LRRIQ3: variants seen among roughly 807,000 people sequenced by gnomAD.
LRRIQ3 encodes leucine-rich repeat and IQ domain-containing protein 3.
A neutral mutation model predicts 59.3 loss-of-function variants in LRRIQ3; 75 were observed. The observed-to-expected ratio is 1.26, with a 90% CI of 1.05 to 1.53. The LOEUF (loss-of-function observed/expected upper bound fraction) is 1.53. Ranked by LOEUF, LRRIQ3 falls within the 40% of genes most tolerant of loss-of-function variation. LRRIQ3 has a pLI of 0.00. For synonymous variants in LRRIQ3, 250 were observed against 231.3 expected, an observed-to-expected ratio of 1.08 and a Z score of -0.73; for missense variants, 831 against 710.0, an observed-to-expected ratio of 1.17 and a Z score of -1.94.
chr1:74,077,952 T>C (rs1369338169), intron 5 of LRRIQ3, among the ~76,000 whole-genome samples: 1 of 151,970 alleles, frequency 6.6e-6, no homozygotes, highest in African/African-American at 2.4e-5. Flanking sequence ...TTTGATTAAC[T>C]ACCCTACTTT....
intron 5 of LRRIQ3, among the ~76,000 whole-genome samples, chr1:74,089,967 A>C (rs1570096156): frequency 6.6e-6 from 1 of 152,152 alleles, no homozygotes; most frequent in Non-Finnish European, 1.5e-5. Context: ...GACCTGAGAA[A>C]ATTATTATAA....
intron 3 of LRRIQ3, among the ~76,000 whole-genome samples, chr1:74,174,254 G>A (rs1448862769): frequency 6.6e-6 from 1 of 150,908 alleles, no homozygotes; most frequent in East Asian, 1.9e-4. Context: ...ACTTTCAAAT[G>A]ACCTGTCTTT....
intron 1 of LRRIQ3, among the ~76,000 whole-genome samples, chr1:74,196,079 G>T (rs1186066763): frequency 6.6e-6 from 1 of 151,372 alleles, no homozygotes; most frequent in Non-Finnish European, 1.5e-5. Flanking sequence ...TGATAATATG[G>T]TATATTTATT....
chr1:74,131,870 T>C (rs1481977136), intron 4 of LRRIQ3, among the ~76,000 whole-genome samples: 1 of 152,168 alleles, frequency 6.6e-6, no homozygotes, highest in Non-Finnish European at 1.5e-5. Context: ...TTGGAAGTTC[T>C]GGCCAAAGCA....
chr1:74,077,410 C>T (rs947942976), intron 5 of LRRIQ3, among the ~76,000 whole-genome samples: 7 of 151,732 alleles, frequency 4.6e-5, no homozygotes, highest in Non-Finnish European at 1.0e-4. Flanking sequence ...GATCCTGTTT[C>T]CACTAGTACT....
intron 6 of LRRIQ3, among the ~76,000 whole-genome samples, chr1:74,057,903 A>C (rs1019284147): frequency 6.6e-6 from 1 of 152,154 alleles, no homozygotes; most frequent in Non-Finnish European, 1.5e-5. Context: ...ACTAAAAAAT[A>C]GTCAAAATCC....
intron 5 of LRRIQ3, among the ~76,000 whole-genome samples, chr1:74,098,668 A>G (rs956779740): frequency 6.6e-6 from 1 of 152,204 alleles, no homozygotes; most frequent in African/African-American, 2.4e-5. Context: ...AGCACTCCTC[A>G]GCAAATGTAA....
chr1:74,108,242 T>G (rs1052482685), intron 5 of LRRIQ3, among the ~76,000 whole-genome samples: 8 of 151,796 alleles, frequency 5.3e-5, no homozygotes, highest in Non-Finnish European at 1.2e-4. Context: ...CTGTATAAAG[T>G]ATGTAAAAAA....
At chr1:74,036,073 T>G (rs1570002135) in intron 7 of LRRIQ3, among the ~76,000 whole-genome samples, 1 of 152,166 alleles carries the variant, frequency 6.6e-6, no homozygotes, top group South Asian at 2.1e-4. Flanking sequence ...CAAGGGAGAA[T>G]TTAAGTGAAG....
At chr1:74,034,729 T>C (rs944471674) in intron 7 of LRRIQ3, among the ~76,000 whole-genome samples, 1 of 151,918 alleles carries the variant, frequency 6.6e-6, no homozygotes, top group Non-Finnish European at 1.5e-5. Context: ...GTATTTTTCA[T>C]ACGTAATAAA....
At chr1:74,150,559 G>A (rs1647866603) in intron 4 of LRRIQ3, among the ~76,000 whole-genome samples, 1 of 151,926 alleles carries the variant, frequency 6.6e-6, no homozygotes, top group Non-Finnish European at 1.5e-5. Flanking sequence ...ACTGGAAAAT[G>A]CAGTCTAAGT....
chr1:74,084,165 TACAC>T, intron 5 of LRRIQ3: 2 of 1,546,582 alleles, frequency 1.3e-6, no homozygotes. Context: ...GAGAGATGAA[TACAC>T]ACATCCAGCC....
chr1:74,078,258 T>C (rs2100489132), intron 5 of LRRIQ3, among the ~76,000 whole-genome samples: 1 of 151,980 alleles, frequency 6.6e-6, no homozygotes, highest in East Asian at 1.9e-4. Context: ...GGGAGGTATC[T>C]AATGTCATGA....
intron 4 of LRRIQ3, among the ~76,000 whole-genome samples, chr1:74,130,309 C>T (rs1174471992): frequency 6.6e-6 from 1 of 152,110 alleles, no homozygotes. Context: ...TTCCCTATGG[C>T]TATGGCTGAT....
At chr1:74,145,014 A>C (rs565493848) in intron 4 of LRRIQ3, among the ~76,000 whole-genome samples, 1 of 152,126 alleles carries the variant, frequency 6.6e-6, no homozygotes, top group Non-Finnish European at 1.5e-5. Context: ...TATTATGATA[A>C]TATGATCTAT....
At chr1:74,080,603 C>T (rs1646263161) in intron 5 of LRRIQ3, among the ~76,000 whole-genome samples, 1 of 151,596 alleles carries the variant, frequency 6.6e-6, no homozygotes, top group South Asian at 2.1e-4. Flanking sequence ...CCAACTTAGC[C>T]TAGTTAGAGC....
chr1:74,057,334 T>C (rs1265503613), intron 6 of LRRIQ3, among the ~76,000 whole-genome samples: 2 of 151,880 alleles, frequency 1.3e-5, no homozygotes, highest in East Asian at 3.9e-4. Context: ...GCATAGTACC[T>C]GACATTAAAA....
intron 5 of LRRIQ3, among the ~76,000 whole-genome samples, chr1:74,079,157 T>G (rs77718790): frequency 0.022 from 3,280 of 151,900 alleles, 115 homozygotes; most frequent in African/African-American, 0.075. Flanking sequence ...CCAATCATGT[T>G]TCTCTTTTAG....
At chr1:74,119,432 T>C (rs1646821687) in intron 4 of LRRIQ3, among the ~76,000 whole-genome samples, 2 of 152,246 alleles carry the variant, frequency 1.3e-5, no homozygotes, top group South Asian at 2.1e-4. Context: ...GCTATTTATA[T>C]GTGAACATTT....
Sources: allele counts gnomAD v4.1 joint callset (sites outside exome capture counted in the v4.1 genomes callset), GRCh38; gene constraint gnomAD v4.1.1; transcripts MANE v1.5; gene names NCBI Gene and HGNC (gene_info 2026-07-23, HGNC 2026-07-21).